The following LRCH3 variants were observed in gnomAD, a reference collection of about 807,000 sequenced individuals.
The protein encoded by LRCH3 is DISP complex protein LRCH3.
LRCH3 carries 68 observed loss-of-function variants against 104.5 expected under a neutral mutation model. The observed-to-expected ratio is 0.65, with a 90% CI of 0.54 to 0.80. The LOEUF (loss-of-function observed/expected upper bound fraction) is 0.80, where lower values mean the gene tolerates loss of function less well. LRCH3 is among the 30% of genes least tolerant of loss of function. The pLI is 0.00. For missense variants in LRCH3, 951 were observed against 953.9 expected (o/e 1.00, Z 0.04); for synonymous variants, 344 against 361.3 (o/e 0.95, Z 0.54).
Position 197,854,449 on chromosome 3 carries a change from AGAGTTTTGCACAAAACG to A in LRCH3, c.1644+11_1644+27del. 1 of 1,613,752 alleles carries A rather than the reference AGAGTTTTGCACAAAACG, an allele frequency of 6.2e-7. No individual in the cohort carries two copies. Among genetic ancestry groups the A allele is most frequent in the Non-Finnish European group, 8.5e-7 (1 of 1,179,624 alleles). On this transcript the variant is annotated splice_donor_5th_base_variant and intron_variant, in intron 14 of 20. Coordinates refer to ENST00000425562, the MANE Select transcript of LRCH3 (RefSeq NM_001365715.1). The surrounding 1 kb of genome is among the most constrained non-coding windows in gnomAD (Gnocchi z 4.5). ...TGATGATAGTGCCTTGTGCATGGTAAGAGTTTTGCACAAAACGGAGTTTCGCATTTCTGTGTTTAGAG... is the reference window on the plus strand; with the variant it reads ...TGATGATAGTGCCTTGTGCATGGTAAGAGTTTCGCATTTCTGTGTTTAGAG...
chr3:197,861,330 A>G (rs1341603300), intron 15 of LRCH3, among the ~76,000 whole-genome samples: 2 of 152,150 alleles, frequency 1.3e-5, no homozygotes, highest in Non-Finnish European at 2.9e-5. Flanking sequence ...TTTTTTCAAA[A>G]TGATCTCAAG....
intron 1 of LRCH3, 77 bp downstream of exon 1, chr3:197,791,617 G>C (rs911157759): frequency 1.0e-5 from 15 of 1,446,240 alleles, no homozygotes; most frequent in Non-Finnish European, 1.3e-5. Flanking sequence ...AGGCGGATGC[G>C]GGGGAGTTAC....
In LRCH3 at chr3:197,791,501, G is replaced by C. The variant is rs751839285; in HGVS notation, c.223G>C (p.Gly75Arg). Residue 75 changes from glycine to arginine, a missense_variant, in exon 1 of 21, where the codon GGA (glycine) becomes CGA (arginine). Gly to Arg is a moderately radical substitution (Grantham distance 125). Transcript: ENST00000425562. Reference sequence around the variant, plus strand: ...CCGGAAACTGAGGGAGTTTCCCCGGGGAGCGGCCAACCACGACCTGACGGA... The same window carrying C: ...CCGGAAACTGAGGGAGTTTCCCCGGCGAGCGGCCAACCACGACCTGACGGA... ...SGRKLREFPRGAANHDLTDTT... is the reference protein window; with the variant it reads ...SGRKLREFPRRAANHDLTDTT... The C allele has an allele frequency of 3.1e-6, 5 of 1,599,974 alleles. No homozygotes were observed. The highest frequency in any genetic ancestry group is 2.2e-5 in the South Asian group (2 of 89,308).
intron 1 of LRCH3, among the ~76,000 whole-genome samples, chr3:197,812,179 C>T (rs927236926): frequency 2.0e-5 from 3 of 152,294 alleles, no homozygotes; most frequent in African/African-American, 7.2e-5. Context: ...ACACTAACTC[C>T]TCATTACTTC....
chr3:197,868,164 C>A (rs1225150766), intron 17 of LRCH3, among the ~76,000 whole-genome samples: 2 of 152,250 alleles, frequency 1.3e-5, no homozygotes. Context: ...GCCTCTGTAC[C>A]CACAGATTCT....
chr3:197,795,934 G>A (rs914307962), intron 1 of LRCH3, among the ~76,000 whole-genome samples: 3 of 151,762 alleles, frequency 2.0e-5, no homozygotes, highest in Non-Finnish European at 4.4e-5. Flanking sequence ...CTTGTGATCC[G>A]CCCGCCTTGG....
chr3:197,875,492 GTCTCT>G (rs1160541413), intron 19 of LRCH3, among the ~76,000 whole-genome samples: 3 of 152,082 alleles, frequency 2.0e-5, no homozygotes, highest in Non-Finnish European at 4.4e-5. Flanking sequence ...GGCGAACCCT[GTCTCT>G]ACAAAAATTG....
chr3:197,868,038 A>G (rs1711555588), intron 17 of LRCH3, among the ~76,000 whole-genome samples: 1 of 152,066 alleles, frequency 6.6e-6, no homozygotes, highest in South Asian at 2.1e-4. Flanking sequence ...AAACAAAAAA[A>G]ACACAACTTA....
At chr3:197,792,606 A>ATATACATATATATAT (rs1233845852) in intron 1 of LRCH3, among the ~76,000 whole-genome samples, 1 of 37,948 alleles carries the variant, frequency 2.6e-5, no homozygotes, top group African/African-American at 6.4e-5. Flanking sequence ...TATATATATA[A>ATATACATATATATAT]AATATACATA....
At chr3:197,838,246 T>C (rs1184392076) in intron 9 of LRCH3, among the ~76,000 whole-genome samples, 1 of 152,248 alleles carries the variant, frequency 6.6e-6, no homozygotes, top group Non-Finnish European at 1.5e-5. Context: ...ATAGCGACAC[T>C]CTGTCTCCAG....
At chr3:197,850,913 T>C (rs1479567581) in intron 12 of LRCH3, 4 of 837,288 alleles carry the variant, frequency 4.8e-6, no homozygotes, top group Non-Finnish European at 8.5e-6. Context: ...TTGATTTGCA[T>C]GATTTCGTGG....
At position 197,802,465 on chromosome 3, in the gene LRCH3, A is replaced by C. The variant is rs536934349; in HGVS notation, c.262+10925A>C. 7.9e-5 allele frequency among the ~76,000 whole-genome samples: 12 copies of C among 152,324 alleles called. No homozygotes were observed. In the South Asian group the frequency reaches 2.3e-3, roughly 29 times the overall value. ...TTTTCCATGTATGTTCATCAGTGAT[A>C]GTGGCTTGTAATTTTATTTTTTGTG... is the stretch of plus-strand genomic sequence containing the variant. On this transcript the variant is annotated intron_variant, in intron 1 of 20. Coordinates refer to ENST00000425562, the MANE Select transcript of LRCH3 (RefSeq NM_001365715.1).
At chr3:197,795,446 AT>A (rs1217885101) in intron 1 of LRCH3, among the ~76,000 whole-genome samples, 1 of 152,074 alleles carries the variant, frequency 6.6e-6, no homozygotes, top group African/African-American at 2.4e-5. Context: ...GAGTAACTGA[AT>A]TTTTTGTTGA....
At chr3:197,878,014 G>C (rs182840059) in intron 20 of LRCH3, among the ~76,000 whole-genome samples, 46 of 152,256 alleles carry the variant, frequency 3.0e-4, no homozygotes, top group Admixed American at 2.1e-3. Context: ...TTAGCCTCCA[G>C]TTCTTCCCTT....
chr3:197,869,885 C>T (rs902141063), intron 17 of LRCH3, among the ~76,000 whole-genome samples: 8 of 150,338 alleles, frequency 5.3e-5, no homozygotes, highest in Non-Finnish European at 1.0e-4. Context: ...GAAAGCCATG[C>T]AGTGTACCTG....
At chr3:197,880,791 T>C (rs760372760) in intron 20 of LRCH3, 19 of 1,528,350 alleles carry the variant, frequency 1.2e-5, no homozygotes, top group Non-Finnish European at 1.5e-5. Flanking sequence ...CAGAATTATT[T>C]ACATAAGTGC....
At position 197,885,495 on chromosome 3, in the gene LRCH3, A is replaced by C. The variant is rs1342152548; in HGVS notation, c.*1829A>C. 3 of 152,312 alleles carry C rather than the reference A, an allele frequency of 2.0e-5. No individual in the cohort carries two copies. Among genetic ancestry groups the C allele is most frequent in the Admixed American group, 6.5e-5 (1 of 15,278 alleles). The allele number at this position is 152,312 out of a possible 1,614,324, so 9.4% of individuals were successfully genotyped here. ...CGTGGTGGTGCATGCCTGTAATCCC[A>C]GCTACTCGGGAGGCTGAGGCAGGAG... On this transcript the variant is annotated 3_prime_UTR_variant, in exon 21 of 21. Coordinates refer to ENST00000425562, the MANE Select transcript of LRCH3 (RefSeq NM_001365715.1).
chr3:197,880,177 C>G (rs942153898), intron 20 of LRCH3, among the ~76,000 whole-genome samples: 10 of 151,814 alleles, frequency 6.6e-5, no homozygotes, highest in Middle Eastern at 3.2e-3. Flanking sequence ...GATCTCCTGA[C>G]CTCGTGATCC....
At chr3:197,832,070 C>T (rs1296040743) in intron 7 of LRCH3, 127 bp from the exon 8 acceptor site, 1 of 875,036 alleles carries the variant, frequency 1.1e-6, no homozygotes, top group Admixed American at 2.7e-5. Flanking sequence ...TGTGTGAGCA[C>T]ATCTAGCTAA....
Sources: gnomAD v4.1 joint callset for allele counts (sites outside exome capture counted in the v4.1 genomes callset) on GRCh38, gnomAD v4.1.1 for gene constraint, Gnocchi (gnomAD v3.1) non-coding constraint, MANE v1.5 for transcripts, NCBI Gene and HGNC (gene_info 2026-07-23, HGNC 2026-07-21) for gene names.